The following GRID2 variants were observed in gnomAD, a reference collection of about 807,000 sequenced individuals.
The protein encoded by GRID2 is glutamate ionotropic receptor delta type subunit 2, also known as glutamate receptor ionotropic, delta-2.
Under a neutral mutation model 114.8 loss-of-function variants are expected in GRID2, and 33 were observed. The ratio of observed to expected loss-of-function variants is 0.29; its 90% CI spans 0.22 to 0.38. The LOEUF (loss-of-function observed/expected upper bound fraction) is 0.38, where lower values mean the gene tolerates loss of function less well. Ranked by LOEUF, GRID2 falls within the 10% of genes least tolerant of loss-of-function variation. The pLI, the probability that GRID2 is intolerant of heterozygous loss-of-function variation, is 1.00. For synonymous variants in GRID2, 505 were observed against 449.9 expected, an observed-to-expected ratio of 1.12 and a Z score of -1.55; for missense variants, 1,184 against 1,257.7, an observed-to-expected ratio of 0.94 and a Z score of 0.89.
intron 2 of GRID2, among the ~76,000 whole-genome samples, chr4:92,735,889 T>C (rs11097349): frequency 0.26 from 39,186 of 151,932 alleles, 5,628 homozygotes; most frequent in East Asian, 0.53. Flanking sequence ...ACAGTATTTA[T>C]AAATTTAAAA....
chr4:93,051,253 G>C (rs921995729), intron 2 of GRID2, among the ~76,000 whole-genome samples: 1 of 152,034 alleles, frequency 6.6e-6, no homozygotes. Flanking sequence ...ATACCTTGGG[G>C]GAGAAACGCA....
rs559492350 is a variant in GRID2, at chr4:93,435,562, C to T, written c.1545+12594C>T. 2.0e-5 allele frequency among the ~76,000 whole-genome samples: 3 copies of T among 152,234 alleles called. No individual in the cohort carries two copies. In the South Asian group the frequency reaches 6.2e-4, roughly 32 times the overall value. On this transcript the variant is annotated intron_variant, in intron 10 of 15. Transcript: ENST00000282020. ...GTTGCAGAATGCGGAATCAAAACTA[C>T]TATTTTAGAAATCAGTAATAATACC... is the stretch of plus-strand genomic sequence containing the variant.
intron 1 of GRID2, among the ~76,000 whole-genome samples, chr4:92,469,418 T>A (rs558717447): frequency 1.7e-4 from 26 of 152,222 alleles, no homozygotes; most frequent in Admixed American, 1.4e-3. Flanking sequence ...TATCACTGTA[T>A]TTGCATATAA....
intron 1 of GRID2, among the ~76,000 whole-genome samples, chr4:92,339,415 G>A (rs1727357243): frequency 6.6e-6 from 1 of 152,030 alleles, no homozygotes; most frequent in African/African-American, 2.4e-5. Flanking sequence ...GATAGCAAAG[G>A]AAGAAAATTC....
chr4:93,744,352 G>C (rs1441312898), intron 14 of GRID2, among the ~76,000 whole-genome samples: 1 of 152,136 alleles, frequency 6.6e-6, no homozygotes, highest in Non-Finnish European at 1.5e-5. Context: ...TTCTGGAAAG[G>C]AGTCACCATT....
chr4:93,469,653 A>C (rs1413744744), intron 11 of GRID2, among the ~76,000 whole-genome samples: 1 of 152,120 alleles, frequency 6.6e-6, no homozygotes, highest in Non-Finnish European at 1.5e-5. Flanking sequence ...TCATTTGGCC[A>C]CAAAAGGCCA....
intron 2 of GRID2, among the ~76,000 whole-genome samples, chr4:92,979,189 C>A (rs1363098870): frequency 2.6e-5 from 4 of 151,836 alleles, no homozygotes; most frequent in Non-Finnish European, 2.9e-5. Context: ...AACAAAAAAA[C>A]CTAAAATATG....
intron 14 of GRID2, among the ~76,000 whole-genome samples, chr4:93,752,669 C>T (rs1194384857): frequency 6.6e-6 from 1 of 152,118 alleles, no homozygotes; most frequent in African/African-American, 2.4e-5. Flanking sequence ...CGCGCCTGGC[C>T]AATACTCATA....
intron 2 of GRID2, among the ~76,000 whole-genome samples, chr4:93,029,973 G>A (rs189940444): frequency 4.5e-4 from 69 of 152,294 alleles, no homozygotes; most frequent in African/African-American, 1.6e-3. Context: ...AGTACTGCAT[G>A]TCCCAGTCTG....
intron 8 of GRID2, among the ~76,000 whole-genome samples, chr4:93,292,839 A>G (rs887703840): frequency 2.0e-5 from 3 of 152,156 alleles, no homozygotes; most frequent in Non-Finnish European, 4.4e-5. Context: ...CCCCTGAGCT[A>G]CATTGGAAGG....
intron 8 of GRID2, among the ~76,000 whole-genome samples, chr4:93,292,701 A>G (rs1414526068): frequency 6.6e-6 from 1 of 152,152 alleles, no homozygotes; most frequent in Non-Finnish European, 1.5e-5. Context: ...TTTTATCTTA[A>G]AATTATGTTG....
At chr4:93,767,770 A>C (rs2110330718) in intron 14 of GRID2, among the ~76,000 whole-genome samples, 1 of 152,312 alleles carries the variant, frequency 6.6e-6, no homozygotes, top group South Asian at 2.1e-4. Context: ...AGGTCACTAC[A>C]ACTCCATTCT....
At chr4:93,580,895 T>G (rs1468448508) in intron 13 of GRID2, among the ~76,000 whole-genome samples, 2 of 139,358 alleles carry the variant, frequency 1.4e-5, no homozygotes, top group Non-Finnish European at 3.0e-5. Context: ...ATATATACAA[T>G]TTAACTTCTG....
rs1734452960 is a variant in GRID2 at position 93,128,050 on chromosome 4, A to AAC, written c.735+17098_735+17099insCA. On this transcript the variant is annotated intron_variant, in intron 4 of 15. Transcript: ENST00000282020. ...AACAAAAAAAAAAAAAAAAAAAAAA[A>AAC]AAAAAAAAACAACAGTACGTGCTAT... Among the ~76,000 whole-genome samples, 7 of 145,338 alleles carry AAC rather than the reference A, an allele frequency of 4.8e-5. 1 individual carries two copies. The highest frequency in any genetic ancestry group is 9.0e-5 in the Non-Finnish European group (6 of 66,504).
At chr4:93,519,358 C>A (rs777916177) in intron 13 of GRID2, among the ~76,000 whole-genome samples, 28 of 152,144 alleles carry the variant, frequency 1.8e-4, no homozygotes, top group African/African-American at 6.8e-4. Context: ...ATGGGAAGTT[C>A]ATTTCTCTTA....
chr4:93,448,915 C>T (rs1412299028), intron 10 of GRID2, among the ~76,000 whole-genome samples: 2 of 105,136 alleles, frequency 1.9e-5, no homozygotes, highest in Non-Finnish European at 3.8e-5. Flanking sequence ...CTTCCCTTCC[C>T]TTCCCCTTCC....
intron 2 of GRID2, among the ~76,000 whole-genome samples, chr4:92,848,645 A>C (rs988300846): frequency 6.6e-6 from 1 of 151,970 alleles, no homozygotes; most frequent in Non-Finnish European, 1.5e-5. Flanking sequence ...GGGTAACTAG[A>C]TTGATGAGTC....
chr4:92,896,183 AC>A (rs781462870), intron 2 of GRID2, among the ~76,000 whole-genome samples: 3 of 152,196 alleles, frequency 2.0e-5, no homozygotes, highest in Non-Finnish European at 4.4e-5. Context: ...AAAATGCAAA[AC>A]AAATATGTTC....
intron 14 of GRID2, among the ~76,000 whole-genome samples, chr4:93,689,697 G>A (rs569941210): frequency 6.6e-6 from 1 of 152,134 alleles, no homozygotes; most frequent in African/African-American, 2.4e-5. Flanking sequence ...CAAACATGAA[G>A]AAAACATAGT....
Sources: allele counts gnomAD v4.1 joint callset (sites outside exome capture counted in the v4.1 genomes callset), GRCh38; gene constraint gnomAD v4.1.1; transcripts MANE v1.5; gene names NCBI Gene and HGNC (gene_info 2026-07-23, HGNC 2026-07-21).